Variants in MICU3 observed in about 807,000 individuals in gnomAD.
MICU3 encodes calcium uptake protein 3, mitochondrial.
In MICU3, 62 loss-of-function variants were observed where a neutral mutation model predicts 66.5. The ratio of observed to expected loss-of-function variants is 0.93; its 90% CI spans 0.76 to 1.15. The LOEUF (loss-of-function observed/expected upper bound fraction) is 1.15, where lower values mean the gene tolerates loss of function less well. MICU3 is among the 50% of genes most tolerant of loss of function. The probability of loss-of-function intolerance (pLI) is 0.00; values close to 1 mark genes in which losing one functional copy is unlikely to be tolerated. For missense variants in MICU3, 779 were observed against 664.4 expected, an observed-to-expected ratio of 1.17 and a Z score of -1.90; for synonymous variants, 308 against 240.7, an observed-to-expected ratio of 1.28 and a Z score of -2.59.
At chr8:17,066,740 T>A (rs1306431946) in intron 2 of MICU3, among the ~76,000 whole-genome samples, 2 of 151,208 alleles carry the variant, frequency 1.3e-5, no homozygotes, top group Non-Finnish European at 1.5e-5. Flanking sequence ...AGAGAGAGGG[T>A]TTTGCTATGT....
chr8:17,109,501 G>A lies in MICU3; in HGVS notation c.1257+3917G>A, dbSNP rs897957844. Among the ~76,000 whole-genome samples the A allele has an allele frequency of 3.9e-5, 6 of 152,046 alleles. 1 individual carries two copies. The highest frequency in any genetic ancestry group is 1.4e-4 in the African/African-American group (6 of 41,496). ...ATAGAATAAGGTGCAGCTGAAGAGA[G>A]ATGAAAAAAAATTCTTTACTAGTGC... On this transcript the variant is annotated intron_variant, in intron 11 of 14. Transcript: ENST00000318063.
chr8:17,112,850 G>A (rs183280514), intron 11 of MICU3, among the ~76,000 whole-genome samples: 235 of 152,254 alleles, frequency 1.5e-3, no homozygotes, highest in African/African-American at 5.3e-3. Flanking sequence ...CCACAGCAGT[G>A]ACTAGTTTTT....
At chr8:17,133,955 T>C in the MICU3 span, among the ~76,000 whole-genome samples, 1 of 152,232 alleles carries the variant, frequency 6.6e-6, no homozygotes, top group Non-Finnish European at 1.5e-5. Context: ...TTTGTAAGAC[T>C]AACGTGCCTC....
chr8:17,077,885 C>G (rs1820618221), intron 4 of MICU3, 24 bp downstream of exon 4: 1 of 1,482,060 alleles, frequency 6.7e-7, no homozygotes, highest in African/African-American at 1.4e-5. Context: ...AGTACTTGTT[C>G]TTTTTTTAAA....
At chr8:17,130,004 T>C in the MICU3 span, among the ~76,000 whole-genome samples, 4 of 152,130 alleles carry the variant, frequency 2.6e-5, no homozygotes, top group African/African-American at 4.8e-5. Flanking sequence ...GAATAGTATA[T>C]TCAGTAAAAT....
At chr8:17,038,847 G>A (rs1265864181) in intron 1 of MICU3, among the ~76,000 whole-genome samples, 1 of 151,980 alleles carries the variant, frequency 6.6e-6, no homozygotes, top group African/African-American at 2.4e-5. Context: ...CAGCTGCTCG[G>A]GAGGCTGAGG....
chr8:17,080,347 T>G (rs1162771393), intron 4 of MICU3, among the ~76,000 whole-genome samples: 3 of 152,082 alleles, frequency 2.0e-5, no homozygotes, highest in Non-Finnish European at 2.9e-5. Context: ...ACACTCACTA[T>G]TAAGTAGTCC....
At chr8:17,054,884 G>A (rs1042116369) in intron 1 of MICU3, among the ~76,000 whole-genome samples, 8 of 151,358 alleles carry the variant, frequency 5.3e-5, no homozygotes, top group Non-Finnish European at 1.0e-4. Flanking sequence ...GATTACAGGC[G>A]CCCGCCACCA....
chr8:17,109,397 T>G (rs1802008638), intron 11 of MICU3, among the ~76,000 whole-genome samples: 1 of 152,190 alleles, frequency 6.6e-6, no homozygotes, highest in Non-Finnish European at 1.5e-5. Context: ...TAATGTTGTT[T>G]GTAATAGCAA....
At position 17,091,871 on chromosome 8, in the gene MICU3, T is replaced by G. The variant is rs570556141; in HGVS notation, c.888+1287T>G. Reference sequence around the variant, plus strand: ...TATACTACTTAGGACTTTATGGGGGTTTTTTTTGTTTGTTTGGTGTTTTTT... The same window carrying G: ...TATACTACTTAGGACTTTATGGGGGGTTTTTTTGTTTGTTTGGTGTTTTTT... On this transcript the variant is annotated intron_variant, in intron 8 of 14. Coordinates refer to ENST00000318063, the MANE Select transcript of MICU3 (RefSeq NM_181723.3). Among the ~76,000 whole-genome samples, 112 of 151,246 alleles carry G rather than the reference T, an allele frequency of 7.4e-4. 1 individual carries two copies. Among genetic ancestry groups the G allele is most frequent in the African/African-American group, 2.4e-3 (100 of 41,324 alleles).
intron 1 of MICU3, among the ~76,000 whole-genome samples, chr8:17,034,524 G>T (rs1322185329): frequency 6.6e-6 from 1 of 152,182 alleles, no homozygotes; most frequent in East Asian, 1.9e-4. Context: ...AAACTTTCTG[G>T]AAAGGATTTA....
In MICU3 at chr8:17,114,463, G is replaced by C. The variant is rs1004295020; in HGVS notation, c.1366+262G>C. Among the ~76,000 whole-genome samples the C allele has an allele frequency of 2.0e-5, 3 of 152,114 alleles. No individual in the cohort carries two copies. The South Asian group carries it at 6.2e-4, about 32-fold the overall frequency. ...GGTCGTGCCCTGTTCTTACAGGGTGGTATTTTATTTTACTAATTTAATGCC... is the reference window on the plus strand; with the variant it reads ...GGTCGTGCCCTGTTCTTACAGGGTGCTATTTTATTTTACTAATTTAATGCC... On this transcript the variant is annotated intron_variant, in intron 12 of 14. Coordinates refer to ENST00000318063, the MANE Select transcript of MICU3 (RefSeq NM_181723.3).
At chr8:17,066,068 A>C (rs964482368) in intron 2 of MICU3, among the ~76,000 whole-genome samples, 1 of 146,638 alleles carries the variant, frequency 6.8e-6, no homozygotes, top group Non-Finnish European at 1.5e-5. Flanking sequence ...AATTAAGTAG[A>C]GTTCTTTTTT....
At chr8:17,091,630 GGTAGA>G (rs1800067692) in intron 8 of MICU3, among the ~76,000 whole-genome samples, 1 of 151,922 alleles carries the variant, frequency 6.6e-6, no homozygotes, top group South Asian at 2.1e-4. Flanking sequence ...ACCTGGAATG[GGTAGA>G]GAAACAAGCC....
At chr8:17,094,495 T>C (rs1800452695) in intron 8 of MICU3, among the ~76,000 whole-genome samples, 1 of 152,058 alleles carries the variant, frequency 6.6e-6, no homozygotes, top group Admixed American at 6.6e-5. Flanking sequence ...TTGTTTTACA[T>C]ATTTTGCAGA....
intron 1 of MICU3, among the ~76,000 whole-genome samples, chr8:17,052,707 T>C (rs1816299823): frequency 6.6e-6 from 1 of 152,204 alleles, no homozygotes; most frequent in Non-Finnish European, 1.5e-5. Flanking sequence ...CTTAGAGTAC[T>C]TGGGATTTTC....
chr8:17,081,985 T>G, intron 5 of MICU3: 1 of 306,400 alleles, frequency 3.3e-6, no homozygotes, highest in Non-Finnish European at 6.1e-6. Flanking sequence ...TGTCAATTCT[T>G]GTGGTTTTAA....
intron 1 of MICU3, among the ~76,000 whole-genome samples, chr8:17,036,420 G>A (rs918115802): frequency 2.0e-5 from 3 of 152,040 alleles, no homozygotes; most frequent in Non-Finnish European, 4.4e-5. Flanking sequence ...ATGCTGGCTC[G>A]GGCAGCCTGC....
intron 3 of MICU3, among the ~76,000 whole-genome samples, chr8:17,073,056 A>C (rs980597832): frequency 6.6e-6 from 1 of 151,398 alleles, no homozygotes; most frequent in African/African-American, 2.4e-5. Flanking sequence ...ATGCCCAGCT[A>C]ATTTTTGCAT....
Sources: gnomAD v4.1 joint callset for allele counts (sites outside exome capture counted in the v4.1 genomes callset) on GRCh38, gnomAD v4.1.1 for gene constraint, MANE v1.5 for transcripts, NCBI Gene and HGNC (gene_info 2026-07-23, HGNC 2026-07-21) for gene names.